Variants in RFC1 observed in about 807,000 individuals in gnomAD.
The protein encoded by RFC1 is replication factor C subunit 1.
RFC1 carries 37 observed loss-of-function variants against 137.4 expected under a neutral mutation model. The ratio of observed to expected loss-of-function variants is 0.27; its 90% confidence interval spans 0.21 to 0.35. RFC1 has a LOEUF of 0.35. Among genes scored for constraint, RFC1 ranks in the 10% least tolerant of loss-of-function variants. The pLI, the probability that RFC1 is intolerant of heterozygous loss-of-function variation, is 1.00. For synonymous variants in RFC1, 429 were observed against 455.7 expected, an observed-to-expected ratio of 0.94 and a Z score of 0.75; for missense variants, 1,205 against 1,358.5, an observed-to-expected ratio of 0.89 and a Z score of 1.78.
At chr4:39,296,064 T>C (rs6531707) in intron 21 of RFC1, among the ~76,000 whole-genome samples, 77,460 of 151,858 alleles carry the variant, frequency 0.51, 21,405 homozygotes, top group African/African-American at 0.74. Context: ...GATGCCAACG[T>C]CACAGCAAAT....
chr4:39,291,558 C>T, intron 23 of RFC1, 81 bp downstream of exon 23: 1 of 960,236 alleles, frequency 1.0e-6, no homozygotes, highest in Non-Finnish European at 1.7e-6. Flanking sequence ...AATCTTAAAG[C>T]ATCTAAAACA....
At chr4:39,292,077 CT>C (rs1737710442) in intron 22 of RFC1, 1 of 510,118 alleles carries the variant, frequency 2.0e-6, no homozygotes, top group African/African-American at 1.9e-5. Flanking sequence ...TTCTACTTAC[CT>C]ACATCAGTGA....
intron 21 of RFC1, chr4:39,297,608 A>G (rs1738086147): frequency 6.6e-6 from 1 of 152,388 alleles, no homozygotes; most frequent in Non-Finnish European, 1.5e-5. Flanking sequence ...GTTCCATAAA[A>G]ATATGGAACG....
intron 1 of RFC1, among the ~76,000 whole-genome samples, chr4:39,354,294 G>C (rs898605895): frequency 2.6e-5 from 4 of 152,290 alleles, no homozygotes; most frequent in African/African-American, 9.6e-5. Flanking sequence ...ACATCTAAGA[G>C]GCAAAGGTCA....
At chr4:39,355,453 A>T (rs895580299) in intron 1 of RFC1, among the ~76,000 whole-genome samples, 6 of 151,920 alleles carry the variant, frequency 3.9e-5, no homozygotes, top group African/African-American at 1.5e-4. Context: ...CACACACAAA[A>T]CTTGTAAAAG....
intron 5 of RFC1, 71 bp from the exon 6 acceptor site, chr4:39,326,711 T>C (rs921607770): frequency 8.5e-7 from 1 of 1,180,554 alleles, no homozygotes; most frequent in African/African-American, 1.5e-5. Flanking sequence ...TTTTCTTGAC[T>C]GTTGCTGATT....
At chr4:39,324,171 C>T (rs1424343317) in intron 6 of RFC1, among the ~76,000 whole-genome samples, 1 of 151,992 alleles carries the variant, frequency 6.6e-6, no homozygotes, top group Non-Finnish European at 1.5e-5. Context: ...AAAAAACACC[C>T]TACATTATTC....
chr4:39,308,968 C>A lies in RFC1; in HGVS notation c.1553G>T (p.Ser518Ile). Residue 518 changes from serine to isoleucine, a missense_variant, in exon 13 of 25, where the codon AGT becomes ATT. Ser to Ile is a moderately radical substitution (Grantham distance 142). This residue lies in a region of RFC1 where 962 missense variants were observed against 1,035.3 expected (regional missense o/e 0.93). Coordinates refer to ENST00000349703, the MANE Select transcript of RFC1 (RefSeq NM_002913.5). The part of the protein sequence containing the change: ...QKNVQGKRKI[S>I]PSKKESESKK... The stretch of plus-strand genomic sequence containing the variant: ...AGATTCTGATTCCTTTTTAGATGGA[C>A]TAATTTTTCTTTTTCCTTGGACATT... 6.2e-7 allele frequency: 1 copy of A among 1,612,750 alleles called. No homozygotes were observed. The highest frequency in any genetic ancestry group is 2.2e-5 in the East Asian group (1 of 44,888).
At chr4:39,355,098 T>TACACACACAC (rs59438877) in intron 1 of RFC1, among the ~76,000 whole-genome samples, 282 of 88,950 alleles carry the variant, frequency 3.2e-3, no homozygotes, top group South Asian at 3.8e-3. Flanking sequence ...AAAAAAAAAA[T>TACACACACAC]ACACACACAC....
chr4:39,299,474 G>C (rs994892400), intron 21 of RFC1, among the ~76,000 whole-genome samples: 1 of 151,874 alleles, frequency 6.6e-6, no homozygotes, highest in South Asian at 2.1e-4. Flanking sequence ...TTAGCTGGGC[G>C]TGGTGACGGG....
intron 1 of RFC1, among the ~76,000 whole-genome samples, chr4:39,357,416 CA>C (rs775492413): frequency 2.0e-5 from 3 of 152,120 alleles, no homozygotes; most frequent in Admixed American, 2.0e-4. Flanking sequence ...AAATACAAAT[CA>C]ACACAGGCAT....
intron 1 of RFC1, among the ~76,000 whole-genome samples, chr4:39,361,532 G>A (rs1319860274): frequency 6.6e-6 from 1 of 152,138 alleles, no homozygotes; most frequent in Admixed American, 6.6e-5. Context: ...CAATGTTGTC[G>A]AGTTTCTAGC....
At chr4:39,322,397 G>T (rs1378429065) in intron 7 of RFC1, 1 of 151,308 alleles carries the variant, frequency 6.6e-6, no homozygotes, top group South Asian at 2.1e-4. Context: ...GACAAAGTGA[G>T]ACCTCGCAAA....
Position 39,345,443 on chromosome 4 carries a change from G to A in RFC1, c.166C>T (p.Gln56Ter), listed in dbSNP as rs775184201. 6.2e-7 allele frequency: 1 copy of A among 1,613,656 alleles called. No individual in the cohort carries two copies. The highest frequency in any genetic ancestry group is 8.5e-7 in the Non-Finnish European group (1 of 1,179,798). Residue 56 changes from glutamine to a stop codon, truncating the protein, a stop_gained, in exon 3 of 25, where the codon CAA becomes TAA. Coordinates refer to ENST00000349703, the MANE Select transcript of RFC1 (RefSeq NM_002913.5). LOFTEE classifies it high-confidence loss of function. ...CTCTTTTTCTTGCTTGGTTGCTTTT[G>A]TTTGAAGTCATCCTCTTTACGGGAG... Reference protein sequence around the residue: ...NSSRKEDDFKQKQPSKKKRII... With the variant: ...NSSRKEDDFK
chr4:39,335,288 C>T (rs1740295461), intron 4 of RFC1, among the ~76,000 whole-genome samples: 1 of 152,140 alleles, frequency 6.6e-6, no homozygotes, highest in Admixed American at 6.5e-5. Flanking sequence ...ATGTGCCAAG[C>T]CTTCAATAAA....
intron 1 of RFC1, among the ~76,000 whole-genome samples, chr4:39,357,485 AC>A (rs1388956574): frequency 6.6e-6 from 1 of 152,214 alleles, no homozygotes; most frequent in African/African-American, 2.4e-5. Flanking sequence ...ATCTTTTCAT[AC>A]CTGCATAACT....
intron 3 of RFC1, among the ~76,000 whole-genome samples, chr4:39,343,255 T>G (rs941572005): frequency 1.3e-5 from 2 of 152,132 alleles, no homozygotes; most frequent in African/African-American, 4.8e-5. Flanking sequence ...AATCCTGACC[T>G]CAAGTGATCC....
intron 1 of RFC1, among the ~76,000 whole-genome samples, chr4:39,361,382 G>A (rs752994891): frequency 6.6e-6 from 1 of 152,082 alleles, no homozygotes; most frequent in Non-Finnish European, 1.5e-5. Context: ...GCGCGACTGC[G>A]TTTCAATCAA....
At chr4:39,293,067 A>G (rs568542065) in intron 22 of RFC1, among the ~76,000 whole-genome samples, 2 of 152,320 alleles carry the variant, frequency 1.3e-5, no homozygotes, top group African/African-American at 4.8e-5. Flanking sequence ...TGTGTGAACC[A>G]TAAGAAGCCA....
Sources: gnomAD v4.1 joint callset for allele counts (sites outside exome capture counted in the v4.1 genomes callset) on GRCh38, gnomAD v4.1.1 for gene constraint, gnomAD v4.1.1 regional missense constraint, MANE v1.5 for transcripts, NCBI Gene and HGNC (gene_info 2026-07-23, HGNC 2026-07-21) for gene names.